GCNT1: variants seen among roughly 807,000 people sequenced by gnomAD.
GCNT1 encodes beta-1,3-galactosyl-O-glycosyl-glycoprotein beta-1,6-N-acetylglucosaminyltransferase.
GCNT1 carries 16 observed loss-of-function variants against 26.2 expected under a neutral mutation model. That is an observed-to-expected ratio of 0.61 (90% CI 0.41 to 0.93). The LOEUF is 0.93. Among genes scored for constraint, GCNT1 ranks in the 40% least tolerant of loss-of-function variants. The probability of loss-of-function intolerance (pLI) is 0.00; values close to 1 mark genes in which losing one functional copy is unlikely to be tolerated. For missense variants in GCNT1, 477 were observed against 526.7 expected (o/e 0.91, Z 0.92); for synonymous variants, 183 against 190.8 (o/e 0.96, Z 0.34).
chr9:76,506,890 G>A lies in GCNT1; in HGVS notation c.*3222G>A, dbSNP rs1452620863. 2 of 166,376 alleles carry A rather than the reference G, an allele frequency of 1.2e-5. No homozygotes were observed. The highest frequency in any genetic ancestry group is 2.9e-5 in the Non-Finnish European group (2 of 68,064). The allele number at this position is 166,376 out of a possible 1,614,324, so 10.3% of individuals were successfully genotyped here. On this transcript the variant is annotated 3_prime_UTR_variant, in exon 4 of 4. Transcript: ENST00000376730. ...TCGATTGAATTGGACCTTTTCAGTTGTTCAGAAAAATAAAAATAATTTCTC... is the reference window on the plus strand; with the variant it reads ...TCGATTGAATTGGACCTTTTCAGTTATTCAGAAAAATAAAAATAATTTCTC...
At chr9:76,490,987 G>A (rs1824718499) in intron 2 of GCNT1, among the ~76,000 whole-genome samples, 1 of 152,250 alleles carries the variant, frequency 6.6e-6, no homozygotes, top group East Asian at 1.9e-4. Context: ...GGTGGTACTG[G>A]AGTGTTACAG....
intron 2 of GCNT1, among the ~76,000 whole-genome samples, chr9:76,498,919 G>C (rs1824984861): frequency 6.6e-6 from 1 of 151,846 alleles, no homozygotes; most frequent in African/African-American, 2.4e-5. Flanking sequence ...CTATAAATTT[G>C]TCTGTATATA....
At position 76,502,796 on chromosome 9, in the gene GCNT1, C is replaced by G. The variant is rs140433187; in HGVS notation, c.415C>G (p.Leu139Val). Residue 139 changes from leucine to valine, a missense_variant, in exon 4 of 4, where the codon CTG becomes GTG. Physicochemically the swap from Leu to Val is conservative, Grantham distance 32. Transcript: ENST00000376730. ...TCACAAGATTGAAATGCTTGACAGGCTGCTGAGGGCCATCTATATGCCTCA... is the reference window on the plus strand; with the variant it reads ...TCACAAGATTGAAATGCTTGACAGGGTGCTGAGGGCCATCTATATGCCTCA... ...VHHKIEMLDR[L>V]LRAIYMPQNF... is the part of the protein sequence containing the mutation. 2.4e-5 allele frequency: 39 copies of G among 1,614,008 alleles called. No homozygotes were observed. The highest frequency in any genetic ancestry group is 3.1e-5 in the Non-Finnish European group (36 of 1,179,990).
the GCNT1 span, among the ~76,000 whole-genome samples, chr9:76,413,375 G>A: frequency 6.6e-6 from 1 of 152,160 alleles, no homozygotes; most frequent in Non-Finnish European, 1.5e-5. Context: ...TCTCATGAAA[G>A]AAACATTGTA....
the GCNT1 span, among the ~76,000 whole-genome samples, chr9:76,406,488 C>T: frequency 6.8e-6 from 1 of 146,956 alleles, no homozygotes; most frequent in Non-Finnish European, 1.5e-5. Context: ...CAGAGCAAGA[C>T]CCTGTCTCAA....
chr9:76,410,743 T>C, the GCNT1 span, among the ~76,000 whole-genome samples: 2 of 152,210 alleles, frequency 1.3e-5, no homozygotes, highest in Non-Finnish European at 2.9e-5. Flanking sequence ...GAAATGTCAA[T>C]TATACCCCAT....
chr9:76,406,180 G>A, the GCNT1 span, among the ~76,000 whole-genome samples: 1 of 152,088 alleles, frequency 6.6e-6, no homozygotes, highest in Non-Finnish European at 1.5e-5. Flanking sequence ...ATCATCTTTG[G>A]TGAAGTGTCT....
chr9:76,439,835 C>T (rs2131580699), upstream of GCNT1, among the ~76,000 whole-genome samples: 1 of 152,254 alleles, frequency 6.6e-6, no homozygotes, highest in East Asian at 1.9e-4. Context: ...CGCATTGGCT[C>T]ATGCCTGTAA....
chr9:76,486,960 T>C (rs1305732621), intron 2 of GCNT1, among the ~76,000 whole-genome samples: 1 of 152,154 alleles, frequency 6.6e-6, no homozygotes, highest in Non-Finnish European at 1.5e-5. Context: ...TCTAAATTTT[T>C]AGCAGAAGAG....
chr9:76,462,027 A>G (rs1411796446), intron 2 of GCNT1, among the ~76,000 whole-genome samples: 4 of 152,204 alleles, frequency 2.6e-5, no homozygotes, highest in African/African-American at 9.7e-5. Context: ...TGATGTAGAT[A>G]TTGTACATTT....
At chr9:76,419,665 TAAAAA>T (rs1249582253), upstream of GCNT1, among the ~76,000 whole-genome samples, 1 of 151,262 alleles carries the variant, frequency 6.6e-6, no homozygotes, top group Middle Eastern at 3.4e-3. Flanking sequence ...GTCAAAAAAA[TAAAAA>T]AGAAAGAGAA....
chr9:76,393,992 T>C, the GCNT1 span: 12 of 1,150,726 alleles, frequency 1.0e-5, no homozygotes, highest in Admixed American at 2.3e-4. Flanking sequence ...CTGCCCGCGG[T>C]CCGGAGGCCC....
At chr9:76,491,979 C>T (rs938253541) in intron 2 of GCNT1, among the ~76,000 whole-genome samples, 1 of 152,184 alleles carries the variant, frequency 6.6e-6, no homozygotes, top group Non-Finnish European at 1.5e-5. Flanking sequence ...TAGCCTCTGA[C>T]ACTAAGACAG....
At chr9:76,488,612 G>A (rs905570386) in intron 2 of GCNT1, among the ~76,000 whole-genome samples, 3 of 152,152 alleles carry the variant, frequency 2.0e-5, no homozygotes, top group Admixed American at 1.3e-4. Context: ...AGCCTCCCAA[G>A]TAGCTGGGAT....
the GCNT1 span, among the ~76,000 whole-genome samples, chr9:76,411,304 G>T: frequency 6.6e-6 from 1 of 151,652 alleles, no homozygotes; most frequent in African/African-American, 2.4e-5. Flanking sequence ...CCATTTTGGG[G>T]GTTTTTTTTG....
At chr9:76,490,351 C>T (rs1458502337) in intron 2 of GCNT1, among the ~76,000 whole-genome samples, 1 of 152,076 alleles carries the variant, frequency 6.6e-6, no homozygotes, top group African/African-American at 2.4e-5. Context: ...TTCTTGCAAA[C>T]TGTATGAGAA....
chr9:76,461,099 T>G (rs960636133), intron 2 of GCNT1, among the ~76,000 whole-genome samples: 4 of 151,764 alleles, frequency 2.6e-5, no homozygotes, highest in South Asian at 4.2e-4. Flanking sequence ...TGGGCCCAGG[T>G]GACTGCAGAG....
intron 1 of GCNT1, among the ~76,000 whole-genome samples, chr9:76,453,741 T>C (rs777384201): frequency 1.1e-4 from 17 of 152,182 alleles, no homozygotes; most frequent in Non-Finnish European, 1.9e-4. Flanking sequence ...TTACTGTTCT[T>C]CAACAGACAA....
the GCNT1 span, among the ~76,000 whole-genome samples, chr9:76,406,783 G>A: frequency 6.6e-6 from 1 of 152,162 alleles, no homozygotes; most frequent in South Asian, 2.1e-4. Flanking sequence ...GCTCATGACT[G>A]TAACCCCAGC....
Sources: allele counts gnomAD v4.1 joint callset (sites outside exome capture counted in the v4.1 genomes callset), GRCh38; gene constraint gnomAD v4.1.1; transcripts MANE v1.5; gene names NCBI Gene and HGNC (gene_info 2026-07-23, HGNC 2026-07-21).